Variants in TCL1B observed in about 807,000 individuals in gnomAD.
TCL1B encodes TCL1 family AKT coactivator B, also known as T-cell leukemia/lymphoma protein 1B.
Under a neutral mutation model 16.9 loss-of-function variants are expected in TCL1B, and 14 were observed. The ratio of observed to expected loss-of-function variants is 0.83; its 90% CI spans 0.55 to 1.30. The LOEUF is 1.30. TCL1B is among the 50% of genes most tolerant of loss of function. The pLI is 0.00. For synonymous variants in TCL1B, 79 were observed against 66.6 expected, an observed-to-expected ratio of 1.19 and a Z score of -0.91; for missense variants, 166 against 165.2, an observed-to-expected ratio of 1.00 and a Z score of -0.03.
rs763484067 is a variant in TCL1B, at chr14:95,686,615, TC to T, written c.151del (p.Gln51ArgfsTer56). On this transcript the variant is annotated frameshift_variant, in exon 1 of 4. Transcript: ENST00000340722. LOFTEE classifies it high-confidence loss of function. ...CTCGCGTAGGGAATGGGCCAGGGCCTCCCAGGGCAGCAGAGTGAGTCCTGGG... is the reference window on the plus strand; with the variant it reads ...CTCGCGTAGGGAATGGGCCAGGGCCTCCAGGGCAGCAGAGTGAGTCCTGGG... Reference protein sequence around the residue: ...NPSRREWARASQGSRYEPSIT... With the variant: ...NPSRREWARAXQGSRYEPSIT... The T allele has an allele frequency of 5.1e-5, 82 of 1,608,986 alleles. No homozygotes were observed. The highest frequency in any genetic ancestry group is 6.8e-5 in the Non-Finnish European group (80 of 1,177,446).
At chr14:95,687,718 C>G in intron 1 of TCL1B, among the ~76,000 whole-genome samples, 1 of 151,848 alleles carries the variant, frequency 6.6e-6, no homozygotes, top group East Asian at 2.0e-4. Context: ...TTTGGGAGGC[C>G]GAGATGGGCT....
At chr14:95,688,532 G>C (rs929735407) in intron 1 of TCL1B, among the ~76,000 whole-genome samples, 2 of 152,090 alleles carry the variant, frequency 1.3e-5, no homozygotes, top group Admixed American at 6.5e-5. Context: ...CTCAAAGAAA[G>C]AATTACGGCA....
rs372773272 is a variant in TCL1B at position 95,690,890 on chromosome 14, T to G, written c.317T>G (p.Ile106Arg). Residue 106 changes from isoleucine to arginine, a missense_variant, in exon 2 of 4, where the codon ATA becomes AGA. By Grantham distance (97) the Ile-to-Arg change is moderately conservative. Coordinates refer to ENST00000340722, the MANE Select transcript of TCL1B (RefSeq NM_004918.4). ...GCAGCGGATTCCAGTTTCTGGGAAA[T>G]AGCAGACCATGGCCAGGCAAGTGTG... is the stretch of plus-strand genomic sequence containing the variant. ...YRAADSSFWE[I>R]ADHGQIDSME... 29 of 1,613,764 alleles carry G rather than the reference T, an allele frequency of 1.8e-5. No individual in the cohort carries two copies. The African/African-American group carries it at 3.6e-4, about 20-fold the overall frequency.
At chr14:95,688,540 G>A (rs1363933609) in intron 1 of TCL1B, among the ~76,000 whole-genome samples, 2 of 152,096 alleles carry the variant, frequency 1.3e-5, no homozygotes, top group African/African-American at 4.8e-5. Flanking sequence ...AAGAATTACG[G>A]CATAATCCAG....
chr14:95,688,331 T>A (rs544334343), intron 1 of TCL1B: 5 of 152,134 alleles, frequency 3.3e-5, no homozygotes, highest in African/African-American at 1.2e-4. Context: ...ACACATTTCC[T>A]AAAAAAAGTT....
chr14:95,686,869 G>A (rs1283418536), intron 1 of TCL1B, among the ~76,000 whole-genome samples: 3 of 152,234 alleles, frequency 2.0e-5, no homozygotes, highest in Admixed American at 6.5e-5. Context: ...TGGTGAAGCC[G>A]AGGCTAAGGT....
Position 95,686,471 on chromosome 14 carries a change from G to C in TCL1B, c.4G>C (p.Ala2Pro). The C allele has an allele frequency of 6.3e-7, 1 of 1,589,446 alleles. No homozygotes were observed. The highest frequency in any genetic ancestry group is 8.6e-7 in the Non-Finnish European group (1 of 1,168,590). M[A>P]SEASVRLGVP... Reference sequence around the variant, plus strand: ...GGGTCCCGGTTGCAGACTTGCCATGGCCTCCGAAGCTTCTGTGCGTCTAGG... The same window carrying C: ...GGGTCCCGGTTGCAGACTTGCCATGCCCTCCGAAGCTTCTGTGCGTCTAGG... Residue 2 changes from alanine (A) to proline (P), a missense_variant, in exon 1 of 4, where the codon GCC becomes CCC. Coordinates refer to ENST00000340722, the MANE Select transcript of TCL1B (RefSeq NM_004918.4).
At chr14:95,691,228 C>A in intron 2 of TCL1B, 40 bp from the exon 3 acceptor site, 1 of 1,602,304 alleles carries the variant, frequency 6.2e-7, no homozygotes, top group Non-Finnish European at 8.5e-7. Flanking sequence ...ACTGGAAGAG[C>A]ATCTCCCAGA....
chr14:95,689,982 A>C (rs1885845906), intron 1 of TCL1B, among the ~76,000 whole-genome samples: 1 of 152,178 alleles, frequency 6.6e-6, no homozygotes, highest in South Asian at 2.1e-4. Flanking sequence ...TTCCAGTACC[A>C]GCCTAATTTT....
intron 1 of TCL1B, among the ~76,000 whole-genome samples, chr14:95,688,912 T>A (rs758911983): frequency 6.6e-6 from 1 of 152,036 alleles, no homozygotes; most frequent in Non-Finnish European, 1.5e-5. Flanking sequence ...GAGTCTCAGT[T>A]TGGGAAGATA....
At position 95,692,076 on chromosome 14, in the gene TCL1B, T is replaced by C. The variant is rs1885898855; in HGVS notation, c.*161T>C. ...AGGGCCCCTGCACACTCAGTTTCTC[T>C]CGTTTTCCTTAGTTATCAGTCCTGT... On this transcript the variant is annotated 3_prime_UTR_variant, in exon 4 of 4. Transcript: ENST00000340722. 1 of 152,482 alleles carries C rather than the reference T, an allele frequency of 6.6e-6. No individual in the cohort carries two copies. Among genetic ancestry groups the C allele is most frequent in the African/African-American group, 2.4e-5 (1 of 41,452 alleles). The allele number at this position is 152,482 out of a possible 1,614,324, so 9.4% of individuals were successfully genotyped here.
intron 1 of TCL1B, among the ~76,000 whole-genome samples, chr14:95,686,864 A>G (rs1389174321): frequency 6.6e-6 from 1 of 152,192 alleles, no homozygotes; most frequent in East Asian, 1.9e-4. Context: ...CTGCGTGGTG[A>G]AGCCGAGGCT....
At chr14:95,687,860 G>T (rs997171296) in intron 1 of TCL1B, among the ~76,000 whole-genome samples, 3 of 146,506 alleles carry the variant, frequency 2.0e-5, no homozygotes, top group African/African-American at 7.6e-5. Context: ...GCTGAGGCAG[G>T]AGAATGGCGT....
At position 95,686,575 on chromosome 14, in the gene TCL1B, C is replaced by A; in HGVS notation, c.108C>A (p.Val36=). The stretch of plus-strand genomic sequence containing the variant: ...AGGGGAGAACCTGGGTGACTGTGGT[C>A]GTGCGGTTCAATCCCTCGCGTAGGG... ...DEEGRTWVTV[V]VRFNPSRREW... The change falls in exon 1 of 4, where the codon GTC becomes GTA. Residue 36 remains valine (V), a synonymous_variant. Transcript: ENST00000340722. The A allele has an allele frequency of 6.2e-7, 1 of 1,613,820 alleles. No individual in the cohort carries two copies. The highest frequency in any genetic ancestry group is 8.5e-7 in the Non-Finnish European group (1 of 1,179,858).
At chr14:95,689,102 C>G (rs536106704) in intron 1 of TCL1B, among the ~76,000 whole-genome samples, 1 of 151,722 alleles carries the variant, frequency 6.6e-6, no homozygotes. Flanking sequence ...CTGGCTAACA[C>G]GGTGAAACCC....
intron 1 of TCL1B, among the ~76,000 whole-genome samples, chr14:95,688,626 C>T (rs1221446437): frequency 6.6e-6 from 1 of 152,206 alleles, no homozygotes; most frequent in Non-Finnish European, 1.5e-5. Flanking sequence ...TCCATGTTCA[C>T]AGCAGTATCA....
intron 1 of TCL1B, 92 bp from the exon 2 acceptor site, chr14:95,690,644 G>A: frequency 7.1e-7 from 1 of 1,401,830 alleles, no homozygotes; most frequent in Non-Finnish European, 9.8e-7. Context: ...ATTTACCTCT[G>A]ACCCTGGCAG....
intron 1 of TCL1B, among the ~76,000 whole-genome samples, chr14:95,689,951 T>C (rs1712759175): frequency 6.6e-6 from 1 of 152,364 alleles, no homozygotes; most frequent in African/African-American, 2.4e-5. Context: ...TTGGTTTTAC[T>C]TTTCCTATCA....
At chr14:95,686,654 C>T (rs375021071) in intron 1 of TCL1B, 25 bp downstream of exon 1, 9 of 1,588,212 alleles carry the variant, frequency 5.7e-6, no homozygotes, top group Non-Finnish European at 6.8e-6. Flanking sequence ...CGAGGGGAGG[C>T]TGTGGGGAGG....
Sources: allele counts gnomAD v4.1 joint callset (sites outside exome capture counted in the v4.1 genomes callset), GRCh38; gene constraint gnomAD v4.1.1; transcripts MANE v1.5; gene names NCBI Gene and HGNC (gene_info 2026-07-23, HGNC 2026-07-21).